RAD51AP2: variants seen among roughly 807,000 people sequenced by gnomAD.
RAD51AP2 encodes the protein RAD51 associated protein 2, also known as RAD51-associated protein 2.
Under a neutral mutation model 85.5 loss-of-function variants are expected in RAD51AP2, and 67 were observed. The observed-to-expected ratio is 0.78, with a 90% CI of 0.64 to 0.96. RAD51AP2 has a LOEUF of 0.96. Ranked by LOEUF, RAD51AP2 falls within the 40% of genes least tolerant of loss-of-function variation. The pLI, the probability that RAD51AP2 is intolerant of heterozygous loss-of-function variation, is 0.00. For missense variants in RAD51AP2, 1,307 were observed against 1,332.4 expected (o/e 0.98, Z 0.30); for synonymous variants, 474 against 446.5 (o/e 1.06, Z -0.78).
At chr2:17,521,804 T>C (rs577894858), upstream of RAD51AP2, among the ~76,000 whole-genome samples, 1 of 152,184 alleles carries the variant, frequency 6.6e-6, no homozygotes, top group African/African-American at 2.4e-5. Context: ...CAATGTTCAT[T>C]AATGACATCA....
chr2:17,518,518 C>G (rs1299287643), upstream of RAD51AP2: 2 of 1,437,106 alleles, frequency 1.4e-6, no homozygotes, highest in Non-Finnish European at 1.9e-6. Flanking sequence ...CCCCTCAAGA[C>G]CTGGCCTTAG....
chr2:17,516,007 A>G lies in RAD51AP2; in HGVS notation c.2409T>C (p.Asn803=). ...AIPASHNIIH[N]EETHTTSITQ... is the part of the protein sequence containing the mutation. Reference sequence around the variant, plus strand: ...TTATAGAAGTGGTATGGGTCTCTTCATTATGTATTATGTTGTGGCTTGCTG... The same window carrying G: ...TTATAGAAGTGGTATGGGTCTCTTCGTTATGTATTATGTTGTGGCTTGCTG... The change falls in exon 1 of 3, where the codon AAT becomes AAC. Residue 803 remains asparagine, a synonymous_variant. Coordinates refer to ENST00000399080, the MANE Select transcript of RAD51AP2 (RefSeq NM_001099218.3). 2 of 1,613,792 alleles carry G rather than the reference A, an allele frequency of 1.2e-6. No individual in the cohort carries two copies. The highest frequency in any genetic ancestry group is 2.2e-5 in the South Asian group (2 of 91,032).
At chr2:17,513,179 A>G (rs900371944) in intron 2 of RAD51AP2, among the ~76,000 whole-genome samples, 7 of 147,330 alleles carry the variant, frequency 4.8e-5, no homozygotes, top group African/African-American at 1.7e-4. Context: ...TTATTCTGAT[A>G]TTGTAGATCT....
chr2:17,517,385 T>C lies in RAD51AP2; in HGVS notation c.1031A>G (p.Asp344Gly), dbSNP rs201501366. ...GTTACAGTAGTTTGAACTGATCAAG[T>C]CTTTTCTCTTACAAGTATTTTGGCT... is the stretch of plus-strand genomic sequence containing the variant. ...LSSQNTCKRK[D>G]LISSNYCNCS... Residue 344 changes from aspartate (D) to glycine (G), a missense_variant, in exon 1 of 3, where the codon GAC (aspartate) becomes GGC (glycine). By Grantham distance (94) the Asp-to-Gly change is moderately conservative. Transcript: ENST00000399080. 48 of 1,613,664 alleles carry C rather than the reference T, an allele frequency of 3.0e-5. 1 individual carries two copies. In the Middle Eastern group the frequency reaches 4.9e-4, roughly 17 times the overall value.
chr2:17,520,906 C>T (rs1171349319), upstream of RAD51AP2, among the ~76,000 whole-genome samples: 1 of 152,086 alleles, frequency 6.6e-6, no homozygotes, highest in Non-Finnish European at 1.5e-5. Flanking sequence ...GTTACCTCTA[C>T]GGTGAAAGCT....
intron 1 of RAD51AP2, 118 bp downstream of exon 1, chr2:17,515,051 G>T (rs1477814648): frequency 5.4e-6 from 4 of 734,372 alleles, no homozygotes; most frequent in Non-Finnish European, 4.2e-6. Context: ...AATAAACATT[G>T]TCTTGCATTT....
chr2:17,525,295 T>C, the RAD51AP2 span, among the ~76,000 whole-genome samples: 1 of 151,988 alleles, frequency 6.6e-6, no homozygotes, highest in Non-Finnish European at 1.5e-5. Context: ...TTAGCATCAG[T>C]GGACCTTTTA....
Position 17,518,260 on chromosome 2 carries a change from A to C in RAD51AP2, c.156T>G (p.Pro52=), listed in dbSNP as rs377312763. 2.5e-6 allele frequency: 4 copies of C among 1,614,036 alleles called. No individual in the cohort carries two copies. In the African/African-American group the frequency reaches 5.3e-5, roughly 22 times the overall value. The stretch of plus-strand genomic sequence containing the variant: ...CCGCCTCAGACAAGCGAGGCACCAG[A>C]GGCAGTCGCCAGCCCGCCTTAAAGA... ...GGVFKAGWRL[P]LVPRLSEAEK... is the part of the protein sequence containing the mutation. The change falls in exon 1 of 3, where the codon CCT becomes CCG. Residue 52 remains proline (P), a synonymous_variant. Coordinates refer to ENST00000399080, the MANE Select transcript of RAD51AP2 (RefSeq NM_001099218.3).
chr2:17,517,552 TGCCTC>T lies in RAD51AP2; in HGVS notation c.859_863del (p.Glu287IlefsTer3). On this transcript the variant is annotated frameshift_variant, in exon 1 of 3. Coordinates refer to ENST00000399080, the MANE Select transcript of RAD51AP2 (RefSeq NM_001099218.3). LOFTEE classifies it high-confidence loss of function. ...AAATGTTTGTGAAATCCCTAACATA[TGCCTC>T]TTTTTTGTCATTCTTTTTCTTCGCT... The T allele has an allele frequency of 1.2e-6, 2 of 1,613,756 alleles. No homozygotes were observed. Among genetic ancestry groups the T allele is most frequent in the Non-Finnish European group, 1.7e-6 (2 of 1,179,926 alleles).
chr2:17,531,800 T>A, the RAD51AP2 span, among the ~76,000 whole-genome samples: 3 of 152,230 alleles, frequency 2.0e-5, no homozygotes, highest in Non-Finnish European at 4.4e-5. Flanking sequence ...TGGCTCAATA[T>A]CATCTTAGAT....
At chr2:17,537,009 T>C in the RAD51AP2 span, among the ~76,000 whole-genome samples, 1 of 152,208 alleles carries the variant, frequency 6.6e-6, no homozygotes, top group Admixed American at 6.5e-5. Flanking sequence ...TCTGCATCTT[T>C]TAAAAAAAGA....
the RAD51AP2 span, among the ~76,000 whole-genome samples, chr2:17,528,149 A>C: frequency 9.9e-4 from 151 of 152,334 alleles, no homozygotes; most frequent in Middle Eastern, 3.4e-3. Context: ...GTTTTAAAAA[A>C]TGATTTCAAA....
rs1403324285 is a variant in RAD51AP2, at chr2:17,515,337, C to T, written c.3079G>A (p.Ala1027Thr). ...LKMVVVNKIR[A>T]SSSFHDTIAG... Reference sequence around the variant, plus strand: ...ATAGTATCATGGAACGAGGAAGATGCACGTATTTTGTTGACCACAACCATT... The same window carrying T: ...ATAGTATCATGGAACGAGGAAGATGTACGTATTTTGTTGACCACAACCATT... Residue 1027 changes from alanine (A) to threonine (T), a missense_variant, in exon 1 of 3, where the codon GCA (alanine) becomes ACA (threonine). Around this residue, in one of 3 missense-constraint regions of RAD51AP2, gnomAD observed 668 missense variants for 671.0 expected, o/e 1.00. Coordinates refer to ENST00000399080, the MANE Select transcript of RAD51AP2 (RefSeq NM_001099218.3). 6.2e-7 allele frequency: 1 copy of T among 1,612,374 alleles called. No individual in the cohort carries two copies. Among genetic ancestry groups the T allele is most frequent in the Non-Finnish European group, 8.5e-7 (1 of 1,179,536 alleles).
At chr2:17,511,626 A>G (rs1662497640) in intron 2 of RAD51AP2, among the ~76,000 whole-genome samples, 2 of 152,196 alleles carry the variant, frequency 1.3e-5, no homozygotes, top group African/African-American at 4.8e-5. Flanking sequence ...TACATATATA[A>G]AACCAAAAAT....
At chr2:17,522,926 C>T (rs915969644), upstream of RAD51AP2, among the ~76,000 whole-genome samples, 2 of 151,808 alleles carry the variant, frequency 1.3e-5, no homozygotes, top group Non-Finnish European at 2.9e-5. Flanking sequence ...ATAAAAAATA[C>T]ATTTAACATG....
At chr2:17,514,766 T>C (rs922332029) in intron 1 of RAD51AP2, among the ~76,000 whole-genome samples, 1 of 151,820 alleles carries the variant, frequency 6.6e-6, no homozygotes, top group African/African-American at 2.4e-5. Context: ...CTCGACTCTG[T>C]CTCAAAAAAA....
chr2:17,537,573 CTTCTTGGCTCATATA>C, the RAD51AP2 span, among the ~76,000 whole-genome samples: 1 of 152,130 alleles, frequency 6.6e-6, no homozygotes, highest in African/African-American at 2.4e-5. Flanking sequence ...AAGTTCCACC[CTTCTTGGCTCATATA>C]TTTTACACAC....
Position 17,510,614 on chromosome 2 carries a change from T to A in RAD51AP2, c.*190A>T, listed in dbSNP as rs1662462518. On this transcript the variant is annotated 3_prime_UTR_variant, in exon 3 of 3. Coordinates refer to ENST00000399080, the MANE Select transcript of RAD51AP2 (RefSeq NM_001099218.3). ...TAATGAAACGGCTTTAATGTGTACA[T>A]TTTTATATCATATAAAAATCCATAA... is the stretch of plus-strand genomic sequence containing the variant. The A allele has an allele frequency of 2.6e-6, 1 of 390,660 alleles. No individual in the cohort carries two copies. 24.2% of individuals were successfully genotyped at this position (390,660 alleles called of 1,614,324 possible). A position where few individuals can be genotyped will look rare whatever the true frequency, so the allele number is the denominator to read the frequency against.
At position 17,518,377 on chromosome 2, in the gene RAD51AP2, G is replaced by C. The variant is rs372755392; in HGVS notation, c.39C>G (p.Leu13=). Residue 13 remains leucine, a synonymous_variant, in exon 1 of 3, where the codon CTC becomes CTG. Transcript: ENST00000399080. ...GCGTTAAAGAGGAGGTAGGCTTTCT[G>C]AGCTCGGCCATCCGCGGCGTGGGCT... ...LPQPTPRMAE[L]RKPTSSLTPP... The C allele has an allele frequency of 3.7e-6, 6 of 1,613,356 alleles. No homozygotes were observed. The highest frequency in any genetic ancestry group is 5.1e-6 in the Non-Finnish European group (6 of 1,179,804).
Sources: allele counts gnomAD v4.1 joint callset (sites outside exome capture counted in the v4.1 genomes callset), GRCh38; gene constraint gnomAD v4.1.1; regional missense constraint gnomAD v4.1.1; transcripts MANE v1.5; gene names NCBI Gene and HGNC (gene_info 2026-07-23, HGNC 2026-07-21).